The following EXOC4 variants were observed in gnomAD, a reference collection of about 807,000 sequenced individuals.
EXOC4 encodes the protein exocyst complex component 4.
Under a neutral mutation model 107.2 loss-of-function variants are expected in EXOC4, and 71 were observed. The ratio of observed to expected loss-of-function variants is 0.66; its 90% confidence interval spans 0.55 to 0.81. The LOEUF (loss-of-function observed/expected upper bound fraction) is 0.81. Ranked by LOEUF, EXOC4 falls within the 30% of genes least tolerant of loss-of-function variation. EXOC4 has a pLI of 0.00. For synonymous variants in EXOC4, 456 were observed against 441.2 expected, an observed-to-expected ratio of 1.03 and a Z score of -0.42; for missense variants, 1,108 against 1,189.6, an observed-to-expected ratio of 0.93 and a Z score of 1.01.
intron 5 of EXOC4, among the ~76,000 whole-genome samples, chr7:133,343,967 A>G (rs2150631465): frequency 6.6e-6 from 1 of 151,872 alleles, no homozygotes; most frequent in East Asian, 1.9e-4. Flanking sequence ...GAGCAACCAC[A>G]TTTGGCCAAC....
intron 10 of EXOC4, among the ~76,000 whole-genome samples, chr7:133,697,812 C>A (rs1164321014): frequency 6.6e-6 from 1 of 152,094 alleles, no homozygotes; most frequent in African/African-American, 2.4e-5. Flanking sequence ...TGAAGGCATG[C>A]CAGATGATAA....
At chr7:134,046,438 C>G (rs1212777355) in intron 17 of EXOC4, among the ~76,000 whole-genome samples, 1 of 151,370 alleles carries the variant, frequency 6.6e-6, no homozygotes, top group Non-Finnish European at 1.5e-5. Context: ...CCACTGCATT[C>G]TAGCCAGGAC....
intron 7 of EXOC4, among the ~76,000 whole-genome samples, chr7:133,462,154 T>TC (rs1252355670): frequency 5.4e-4 from 82 of 152,288 alleles, no homozygotes; most frequent in African/African-American, 1.9e-3. Context: ...GTGCTTTTTT[T>TC]CCTTGTGAGA....
chr7:133,927,420 A>T (rs1173145957), intron 13 of EXOC4, among the ~76,000 whole-genome samples: 1 of 152,236 alleles, frequency 6.6e-6, no homozygotes, highest in Non-Finnish European at 1.5e-5. Flanking sequence ...TGATTTTCAG[A>T]AAAGTTCCTG....
chr7:133,624,924 A>T (rs1802419593), intron 9 of EXOC4, among the ~76,000 whole-genome samples: 1 of 151,080 alleles, frequency 6.6e-6, no homozygotes, highest in African/African-American at 2.4e-5. Context: ...AAAAAAGAGT[A>T]GGGGGAATGA....
At chr7:133,390,946 A>T (rs1208689159) in intron 7 of EXOC4, among the ~76,000 whole-genome samples, 1 of 152,226 alleles carries the variant, frequency 6.6e-6, no homozygotes, top group Non-Finnish European at 1.5e-5. Context: ...AACACAGGTG[A>T]TGTACCCTTC....
At chr7:133,591,965 T>G (rs751506402) in intron 9 of EXOC4, among the ~76,000 whole-genome samples, 5 of 152,228 alleles carry the variant, frequency 3.3e-5, no homozygotes, top group Non-Finnish European at 7.3e-5. Flanking sequence ...CACTCAGTAC[T>G]CTAAAATTCA....
intron 7 of EXOC4, among the ~76,000 whole-genome samples, chr7:133,453,588 G>GT (rs539830770): frequency 4.0e-5 from 6 of 151,530 alleles, no homozygotes; most frequent in African/African-American, 1.2e-4. Flanking sequence ...CTCCTTAATT[G>GT]TTTTTTTTCC....
At position 133,869,711 on chromosome 7, in the gene EXOC4, A is replaced by T. The variant is rs1798712829; in HGVS notation, c.1735-25888A>T. Among the ~76,000 whole-genome samples, 3 of 152,310 alleles carry T rather than the reference A, an allele frequency of 2.0e-5. No individual in the cohort carries two copies. In the South Asian group the frequency reaches 6.2e-4, roughly 32 times the overall value. ...CTTCTCTAAACTGGAATCATGTGGC[A>T]GGAAGTTCTTATCACTTAAGGGGCA... On this transcript the variant is annotated intron_variant, in intron 11 of 17. Transcript: ENST00000253861.
chr7:133,759,043 A>G (rs952127820), intron 10 of EXOC4, among the ~76,000 whole-genome samples: 79 of 152,258 alleles, frequency 5.2e-4, no homozygotes, highest in African/African-American at 1.7e-3. Context: ...AAATGTGATG[A>G]ATTTTTTTGG....
At chr7:133,762,608 G>T (rs756336843) in intron 10 of EXOC4, among the ~76,000 whole-genome samples, 1 of 152,066 alleles carries the variant, frequency 6.6e-6, no homozygotes, top group Non-Finnish European at 1.5e-5. Context: ...TTCACAATTT[G>T]TTTATAACAG....
chr7:133,558,212 T>TTTTC (rs1800736918), intron 9 of EXOC4, among the ~76,000 whole-genome samples: 1 of 140,094 alleles, frequency 7.1e-6, no homozygotes, highest in African/African-American at 3.0e-5. Flanking sequence ...TTTTCTTTTC[T>TTTTC]TTTCTTTTCT....
intron 5 of EXOC4, among the ~76,000 whole-genome samples, chr7:133,321,018 A>G (rs1044196626): frequency 3.3e-5 from 5 of 152,160 alleles, no homozygotes; most frequent in Non-Finnish European, 5.9e-5. Context: ...GGAATTTAAC[A>G]TAGGCTCTTA....
intron 9 of EXOC4, among the ~76,000 whole-genome samples, chr7:133,542,751 C>G (rs1017601106): frequency 2.0e-5 from 3 of 151,972 alleles, no homozygotes; most frequent in Non-Finnish European, 4.4e-5. Flanking sequence ...AGAGGGCCCA[C>G]TTAAAGGTGT....
At chr7:133,391,994 C>T (rs755750701) in intron 7 of EXOC4, among the ~76,000 whole-genome samples, 1 of 152,140 alleles carries the variant, frequency 6.6e-6, no homozygotes, top group Non-Finnish European at 1.5e-5. Flanking sequence ...ACTTACTTTC[C>T]GCAGTAGTAT....
intron 16 of EXOC4, 62 bp downstream of exon 16, chr7:134,005,152 T>A (rs766321973): frequency 6.6e-7 from 1 of 1,512,784 alleles, no homozygotes; most frequent in Non-Finnish European, 9.0e-7. Flanking sequence ...TTTTCCTGAT[T>A]TTCTGTATTA....
In EXOC4 at chr7:133,306,474, G is replaced by A. The variant is rs145573413; in HGVS notation, c.656+413G>A. 6.4e-3 allele frequency among the ~76,000 whole-genome samples: 969 copies of A among 152,178 alleles called. 10 individuals are homozygous for A. The highest frequency in any genetic ancestry group is 0.022 in the African/African-American group (923 of 41,518). On this transcript the variant is annotated intron_variant, in intron 4 of 17. Coordinates refer to ENST00000253861, the MANE Select transcript of EXOC4 (RefSeq NM_021807.4). ...GCACTATGAGAGGCTGAGGTGGAAGGATTGCATGAGCCCAAGAGTTCAAGA... is the reference window on the plus strand; with the variant it reads ...GCACTATGAGAGGCTGAGGTGGAAGAATTGCATGAGCCCAAGAGTTCAAGA...
intron 14 of EXOC4, among the ~76,000 whole-genome samples, chr7:133,984,795 C>T (rs963113157): frequency 6.6e-6 from 1 of 152,176 alleles, no homozygotes; most frequent in African/African-American, 2.4e-5. Context: ...CAAGGTGCCA[C>T]ATCTCCCATT....
intron 2 of EXOC4, among the ~76,000 whole-genome samples, chr7:133,280,953 C>T (rs1350124415): frequency 2.6e-5 from 4 of 152,060 alleles, no homozygotes; most frequent in Non-Finnish European, 4.4e-5. Context: ...ATTTTAAATG[C>T]GTGCAGCACT....
Sources: gnomAD v4.1 joint callset for allele counts (sites outside exome capture counted in the v4.1 genomes callset) on GRCh38, gnomAD v4.1.1 for gene constraint, MANE v1.5 for transcripts, NCBI Gene and HGNC (gene_info 2026-07-23, HGNC 2026-07-21) for gene names.